FAM120B: variants seen among roughly 807,000 people sequenced by gnomAD.
FAM120B encodes the protein family with sequence similarity 120 member B.
A neutral mutation model predicts 96.3 loss-of-function variants in FAM120B; 83 were observed. That is an observed-to-expected ratio of 0.86 (90% CI 0.72 to 1.03). The LOEUF (loss-of-function observed/expected upper bound fraction) is 1.03. FAM120B is among the 50% of genes least tolerant of loss of function. FAM120B has a pLI of 0.00. For synonymous variants in FAM120B, 407 were observed against 402.7 expected (o/e 1.01, Z -0.13); for missense variants, 1,027 against 1,121.2 (o/e 0.92, Z 1.20).
intron 4 of FAM120B, among the ~76,000 whole-genome samples, chr6:170,343,493 A>G (rs568809984): frequency 2.7e-4 from 41 of 152,158 alleles, no homozygotes; most frequent in Middle Eastern, 6.8e-3. Context: ...TAGGATGAAA[A>G]TTTTTTATAT....
chr6:170,334,547 GGTGTGTGT>G lies in FAM120B; in HGVS notation c.2017+4017_2017+4024del, dbSNP rs10560646. Among the ~76,000 whole-genome samples, 3 of 149,684 alleles carry G rather than the reference GGTGTGTGT, an allele frequency of 2.0e-5. No individual in the cohort carries two copies. In the East Asian group the frequency reaches 5.9e-4, roughly 30 times the overall value. On this transcript the variant is annotated intron_variant, in intron 4 of 10. Coordinates refer to ENST00000476287, the MANE Select transcript of FAM120B (RefSeq NM_032448.3). ...TTTCTGTGAGTGGTAAAAGGAAGCT[GGTGTGTGT>G]GTGTGTGTGTGTGTGTGTGCACATG...
intron 6 of FAM120B, among the ~76,000 whole-genome samples, chr6:170,385,968 T>A (rs1184691393): frequency 6.6e-6 from 1 of 152,066 alleles, no homozygotes; most frequent in East Asian, 1.9e-4. Context: ...TGCCAGGGGC[T>A]CAGGGGAGGG....
At chr6:170,349,924 C>T (rs1787463336) in intron 5 of FAM120B, among the ~76,000 whole-genome samples, 1 of 152,100 alleles carries the variant, frequency 6.6e-6, no homozygotes, top group Non-Finnish European at 1.5e-5. Flanking sequence ...CAAAGGAACC[C>T]CCACCCCCAG....
rs1785089388 is a variant in FAM120B at position 170,318,704 on chromosome 6, C to T, written c.1314C>T (p.Pro438=). 6.3e-7 allele frequency: 1 copy of T among 1,593,238 alleles called. No individual in the cohort carries two copies. Among genetic ancestry groups the T allele is most frequent in the East Asian group, 2.4e-5 (1 of 42,000 alleles). Residue 438 remains proline (P), a synonymous_variant, in exon 2 of 11, where the codon CCC becomes CCT. Transcript: ENST00000476287. ...ACTCTGAACCCAGGCAAGAAGTTCCCATGTATACAGACTCTGAACCCAGGC... is the reference window on the plus strand; with the variant it reads ...ACTCTGAACCCAGGCAAGAAGTTCCTATGTATACAGACTCTGAACCCAGGC... ...YTDSEPRQEV[P]MYTDSEPRQE...
rs1789346482 is a variant in FAM120B at position 170,373,748 on chromosome 6, G to T, written c.2284-14539G>T. ...AGCACAAGGCAAACAGGCCTGAGAA[G>T]CACTTTTACAGTATATTATCTGGGA... On this transcript the variant is annotated intron_variant, in intron 6 of 10. Coordinates refer to ENST00000476287, the MANE Select transcript of FAM120B (RefSeq NM_032448.3). Among the ~76,000 whole-genome samples, 3 of 152,162 alleles carry T rather than the reference G, an allele frequency of 2.0e-5. No homozygotes were observed. In the South Asian group the frequency reaches 6.2e-4, roughly 32 times the overall value.
At chr6:170,380,791 A>G (rs1012906251) in intron 6 of FAM120B, among the ~76,000 whole-genome samples, 53 of 152,200 alleles carry the variant, frequency 3.5e-4, no homozygotes, top group Admixed American at 3.4e-3. Context: ...CTCCCAGTCC[A>G]TAGACTGCCT....
intron 9 of FAM120B, among the ~76,000 whole-genome samples, chr6:170,400,383 A>G (rs190349009): frequency 6.6e-6 from 1 of 152,200 alleles, no homozygotes; most frequent in Admixed American, 6.5e-5. Flanking sequence ...GTGGAGTGGG[A>G]CCTGTTTGGT....
chr6:170,400,339 A>G (rs912047044), intron 9 of FAM120B, among the ~76,000 whole-genome samples: 5 of 152,090 alleles, frequency 3.3e-5, no homozygotes, highest in African/African-American at 1.2e-4. Context: ...ATCATCAAGA[A>G]CATGCCCCAT....
At position 170,404,764 on chromosome 6, in the gene FAM120B, AAG is replaced by A. The variant is rs527252926; in HGVS notation, c.*16_*17del. 1,129 of 633,504 alleles carry A rather than the reference AAG, an allele frequency of 1.8e-3. 1 individual carries two copies. Among genetic ancestry groups the A allele is most frequent in the Non-Finnish European group, 2.3e-3 (823 of 359,290 alleles). 39.2% of individuals were successfully genotyped at this position (633,504 alleles called of 1,614,324 possible). ...TCAAAACACTCTTGCTTCCTCCAGA[AAG>A]AGTATGGAGAGAAAAAGAGGCACAC... is the stretch of plus-strand genomic sequence containing the variant. On this transcript the variant is annotated splice_region_variant and 3_prime_UTR_variant, in exon 11 of 11. Transcript: ENST00000476287.
At chr6:170,379,963 C>T (rs1360921644) in intron 6 of FAM120B, among the ~76,000 whole-genome samples, 1 of 152,200 alleles carries the variant, frequency 6.6e-6, no homozygotes, top group African/African-American at 2.4e-5. Flanking sequence ...CAGACCCATT[C>T]ATCCCACATA....
chr6:170,311,493 C>G (rs896219386), intron 1 of FAM120B, among the ~76,000 whole-genome samples: 1 of 152,186 alleles, frequency 6.6e-6, no homozygotes, highest in Non-Finnish European at 1.5e-5. Flanking sequence ...CCTTGCAGAC[C>G]TTTAAAAGAT....
chr6:170,403,001 G>A (rs1158151702), intron 9 of FAM120B, among the ~76,000 whole-genome samples: 1 of 152,166 alleles, frequency 6.6e-6, no homozygotes, highest in Non-Finnish European at 1.5e-5. Context: ...AGCTCTGGGA[G>A]ACTCTTAGGT....
At chr6:170,397,097 G>A (rs1375729290) in intron 9 of FAM120B, among the ~76,000 whole-genome samples, 1 of 152,234 alleles carries the variant, frequency 6.6e-6, no homozygotes, top group African/African-American at 2.4e-5. Context: ...TGGGCTGGGG[G>A]CCTACAGCCC....
rs1183922933 is a variant in FAM120B at position 170,318,343 on chromosome 6, C to T, written c.953C>T (p.Pro318Leu). Residue 318 changes from proline (P) to leucine (L), a missense_variant, in exon 2 of 11, where the codon CCC (proline) becomes CTC (leucine). This residue lies in a region of FAM120B where 880 missense variants were observed against 980.9 expected (regional missense o/e 0.90). Coordinates refer to ENST00000476287, the MANE Select transcript of FAM120B (RefSeq NM_032448.3). ...AAATCTCCATGGTTTTTCCAAAAAC[C>T]CAAAGGTGTAATAACTTTGGACAAA... ...GQKSPWFFQKPKGVITLDKQV... is the reference protein window; with the variant it reads ...GQKSPWFFQKLKGVITLDKQV... 6.2e-7 allele frequency: 1 copy of T among 1,613,988 alleles called. No homozygotes were observed. Among genetic ancestry groups the T allele is most frequent in the African/African-American group, 1.3e-5 (1 of 74,898 alleles).
intron 6 of FAM120B, among the ~76,000 whole-genome samples, chr6:170,368,823 G>GT (rs146108401): frequency 1.8e-4 from 23 of 125,302 alleles, no homozygotes; most frequent in Admixed American, 4.5e-4. Flanking sequence ...CCGGGGCTGG[G>GT]GGGGGGGCTC....
At chr6:170,385,678 A>G (rs754991026) in intron 6 of FAM120B, among the ~76,000 whole-genome samples, 2 of 152,232 alleles carry the variant, frequency 1.3e-5, no homozygotes, top group African/African-American at 4.8e-5. Flanking sequence ...CAACCTGTAC[A>G]TAGAAGTTTC....
intron 1 of FAM120B, among the ~76,000 whole-genome samples, chr6:170,301,278 C>T (rs543176572): frequency 1.4e-3 from 213 of 152,386 alleles, no homozygotes; most frequent in African/African-American, 4.9e-3. Context: ...TCTGAAGCCA[C>T]AGCCTGATCT....
intron 1 of FAM120B, among the ~76,000 whole-genome samples, chr6:170,315,410 A>G (rs1290718663): frequency 1.3e-5 from 2 of 152,198 alleles, no homozygotes; most frequent in Admixed American, 1.3e-4. Context: ...ACAAATGAAA[A>G]AGAATACCCT....
chr6:170,396,226 A>G (rs906932800), intron 9 of FAM120B, among the ~76,000 whole-genome samples: 1 of 152,230 alleles, frequency 6.6e-6, no homozygotes, highest in African/African-American at 2.4e-5. Flanking sequence ...CACAACGTCT[A>G]AAATGTGTAG....
Sources: allele counts gnomAD v4.1 joint callset (sites outside exome capture counted in the v4.1 genomes callset), GRCh38; gene constraint gnomAD v4.1.1; regional missense constraint gnomAD v4.1.1; transcripts MANE v1.5; gene names NCBI Gene and HGNC (gene_info 2026-07-23, HGNC 2026-07-21).